Variants in TMEM38B observed in about 807,000 individuals in gnomAD.
TMEM38B encodes trimeric intracellular cation channel type B.
In TMEM38B, 24 loss-of-function variants were observed where a neutral mutation model predicts 28.7. The observed-to-expected ratio is 0.84, with a 90% CI of 0.61 to 1.18. The LOEUF is 1.18. Ranked by LOEUF, TMEM38B falls within the 50% of genes most tolerant of loss-of-function variation. TMEM38B has a pLI of 0.00. For synonymous variants in TMEM38B, 131 were observed against 127.7 expected (o/e 1.03, Z -0.17); for missense variants, 380 against 350.9 (o/e 1.08, Z -0.66).
chr9:105,731,440 T>C (rs1836744048), intron 4 of TMEM38B, among the ~76,000 whole-genome samples: 1 of 152,130 alleles, frequency 6.6e-6, no homozygotes, highest in South Asian at 2.1e-4. Flanking sequence ...TTTCTCTTAA[T>C]GCTATCCCTT....
At chr9:105,740,897 A>G (rs1286319524) in intron 4 of TMEM38B, among the ~76,000 whole-genome samples, 1 of 152,256 alleles carries the variant, frequency 6.6e-6, no homozygotes, top group Non-Finnish European at 1.5e-5. Flanking sequence ...CAGTAAATAA[A>G]TGCAGTAAGA....
At chr9:105,751,539 G>C (rs1252672656) in intron 5 of TMEM38B, among the ~76,000 whole-genome samples, 1 of 152,144 alleles carries the variant, frequency 6.6e-6, no homozygotes, top group Non-Finnish European at 1.5e-5. Flanking sequence ...AAATCCATCC[G>C]TACATATTCC....
chr9:105,715,098 A>T (rs1322391122), intron 2 of TMEM38B, among the ~76,000 whole-genome samples: 1 of 152,036 alleles, frequency 6.6e-6, no homozygotes, highest in Admixed American at 6.5e-5. Flanking sequence ...AACATTACTG[A>T]TTTTTTTCTG....
At chr9:105,740,313 T>G (rs1588441338) in intron 4 of TMEM38B, among the ~76,000 whole-genome samples, 1 of 145,622 alleles carries the variant, frequency 6.9e-6, no homozygotes, top group Non-Finnish European at 1.5e-5. Context: ...CAGGCCAGAG[T>G]GCAGTGAAGT....
In TMEM38B at chr9:105,721,567, A is replaced by G. The variant is rs201768590; in HGVS notation, c.300A>G (p.Leu100=). 273 of 1,606,534 alleles carry G rather than the reference A, an allele frequency of 1.7e-4. No individual in the cohort carries two copies. The highest frequency in any genetic ancestry group is 1.3e-3 in the Middle Eastern group (8 of 6,050). The stretch of plus-strand genomic sequence containing the variant: ...TTACATTTTTTTGCCCGCATGACCT[A>G]GTTTCCCAGGGCTATTCATATCTAC... The part of the protein sequence containing the change: ...WYITFFCPHD[L]VSQGYSYLPV... The change falls in exon 3 of 6, where the codon CTA becomes CTG. Residue 100 remains leucine (L), a synonymous_variant. Coordinates refer to ENST00000374692, the MANE Select transcript of TMEM38B (RefSeq NM_018112.3).
chr9:105,710,669 C>A, intron 2 of TMEM38B: 1 of 710,904 alleles, frequency 1.4e-6, no homozygotes, highest in South Asian at 1.4e-5. Context: ...ACATACACAT[C>A]AACTATAGGA....
At chr9:105,718,717 T>C (rs768169070) in intron 2 of TMEM38B, among the ~76,000 whole-genome samples, 2 of 152,218 alleles carry the variant, frequency 1.3e-5, no homozygotes, top group Non-Finnish European at 2.9e-5. Flanking sequence ...AGGTTTTATT[T>C]GTTTTGAAAA....
chr9:105,743,739 G>A (rs570191525), intron 4 of TMEM38B, among the ~76,000 whole-genome samples: 1 of 152,242 alleles, frequency 6.6e-6, no homozygotes, highest in African/African-American at 2.4e-5. Flanking sequence ...GCCATGATGT[G>A]AGTATTTACA....
At chr9:105,717,935 T>C (rs1836169336) in intron 2 of TMEM38B, among the ~76,000 whole-genome samples, 1 of 152,266 alleles carries the variant, frequency 6.6e-6, no homozygotes, top group African/African-American at 2.4e-5. Context: ...CCCTGAGACG[T>C]AGGTATTATT....
intron 2 of TMEM38B, among the ~76,000 whole-genome samples, chr9:105,708,028 G>A (rs1480368682): frequency 2.0e-5 from 3 of 148,798 alleles, no homozygotes; most frequent in African/African-American, 4.9e-5. Context: ...TTCTACTTCT[G>A]TTCCTATAAT....
intron 2 of TMEM38B, among the ~76,000 whole-genome samples, chr9:105,717,080 G>C (rs1836128806): frequency 6.6e-6 from 1 of 152,028 alleles, no homozygotes; most frequent in South Asian, 2.1e-4. Flanking sequence ...TTCCTGTCTT[G>C]TTTCTCTGTA....
At chr9:105,719,213 C>T (rs1021639520) in intron 2 of TMEM38B, among the ~76,000 whole-genome samples, 6 of 152,084 alleles carry the variant, frequency 3.9e-5, no homozygotes, top group Non-Finnish European at 8.8e-5. Flanking sequence ...GTTTGTATCC[C>T]GTTTGAGACG....
chr9:105,696,475 C>T lies in TMEM38B; in HGVS notation c.112+1703C>T, dbSNP rs577882117. On this transcript the variant is annotated intron_variant, in intron 1 of 5. Coordinates refer to ENST00000374692, the MANE Select transcript of TMEM38B (RefSeq NM_018112.3). ...ATTTTTGTATTTTTAGTAGTGGAGA[C>T]GGGGTTTCGCCATGTTGGCCAGGCT... Among the ~76,000 whole-genome samples the T allele has an allele frequency of 5.3e-5, 8 of 152,076 alleles. No homozygotes were observed. In the South Asian group the frequency reaches 1.7e-3, roughly 32 times the overall value.
At chr9:105,751,757 A>G (rs771983091) in intron 5 of TMEM38B, among the ~76,000 whole-genome samples, 6 of 152,166 alleles carry the variant, frequency 3.9e-5, no homozygotes, top group African/African-American at 7.2e-5. Flanking sequence ...CCAGCCTGCC[A>G]GCTTTGGAGA....
intron 4 of TMEM38B, among the ~76,000 whole-genome samples, chr9:105,739,035 A>G (rs10978229): frequency 0.19 from 29,510 of 151,900 alleles, 2,938 homozygotes; most frequent in Middle Eastern, 0.31. Flanking sequence ...GTTAATTTTT[A>G]TATATCATAT....
At chr9:105,772,833 A>G (rs1826599185) in intron 5 of TMEM38B, among the ~76,000 whole-genome samples, 1 of 152,142 alleles carries the variant, frequency 6.6e-6, no homozygotes, top group African/African-American at 2.4e-5. Flanking sequence ...ACCTAACAGT[A>G]TGTTCTAAGA....
chr9:105,773,538 A>G (rs1392740062), intron 5 of TMEM38B, among the ~76,000 whole-genome samples: 1 of 152,204 alleles, frequency 6.6e-6, no homozygotes, highest in Non-Finnish European at 1.5e-5. Flanking sequence ...TAAAGCACTT[A>G]TCTTCGTTCT....
In TMEM38B at chr9:105,719,045, T is replaced by C. The variant is rs10978217; in HGVS notation, c.270-2492T>C. Among the ~76,000 whole-genome samples, 1,296 of 152,306 alleles carry C rather than the reference T, an allele frequency of 8.5e-3. 17 individuals carry two copies. Among genetic ancestry groups the C allele is most frequent in the African/African-American group, 0.029 (1,223 of 41,566 alleles). The stretch of plus-strand genomic sequence containing the variant: ...TTGTCTTAGTTAAGTGATACTGTCT[T>C]CGATAGAGGAGTGGAATTGATAGTA... On this transcript the variant is annotated intron_variant, in intron 2 of 5. Coordinates refer to ENST00000374692, the MANE Select transcript of TMEM38B (RefSeq NM_018112.3).
At chr9:105,738,991 G>A (rs1448515764) in intron 4 of TMEM38B, among the ~76,000 whole-genome samples, 1 of 151,912 alleles carries the variant, frequency 6.6e-6, no homozygotes, top group Non-Finnish European at 1.5e-5. Flanking sequence ...CAAAGTGCTG[G>A]GATTATAGGT....
Sources: gnomAD v4.1 joint callset for allele counts (sites outside exome capture counted in the v4.1 genomes callset) on GRCh38, gnomAD v4.1.1 for gene constraint, MANE v1.5 for transcripts, NCBI Gene and HGNC (gene_info 2026-07-23, HGNC 2026-07-21) for gene names.